Variants in LCORL observed in about 807,000 individuals in gnomAD.
LCORL encodes ligand dependent nuclear receptor corepressor like.
LCORL carries 41 observed loss-of-function variants against 141.8 expected under a neutral mutation model. The ratio of observed to expected loss-of-function variants is 0.29; its 90% confidence interval spans 0.23 to 0.38. The LOEUF is 0.38. Among genes scored for constraint, LCORL ranks in the 10% least tolerant of loss-of-function variants. The pLI is 1.00. For missense variants in LCORL, 1,759 were observed against 2,035.0 expected (o/e 0.86, Z 2.61); for synonymous variants, 618 against 694.1 (o/e 0.89, Z 1.72).
intron 1 of LCORL, among the ~76,000 whole-genome samples, chr4:17,982,099 CGTGTGTGTGTGTGTGTGTGT>C (rs57094203): frequency 3.1e-4 from 43 of 136,582 alleles, no homozygotes; most frequent in African/African-American, 6.7e-4. Flanking sequence ...AGTATTCCAT[CGTGTGTGTGTGTGTGTGTGT>C]GTGTGTGTGT....
In LCORL at chr4:18,021,806, AG is replaced by A. The variant is rs1725667005; in HGVS notation, c.-56del. ...CATACGAGCAGCGCAGGCACGAGGC[AG>A]GGGCGCGAGCCCTCGGCGCGAGCCC... On this transcript the variant is annotated 5_prime_UTR_variant, in exon 1 of 8. Transcript: ENST00000635767. This position sits in a 1 kb window ranked among gnomAD's most constrained non-coding sequence, Gnocchi z 5.5. The A allele has an allele frequency of 7.1e-7, 1 of 1,415,178 alleles. No homozygotes were observed. Among genetic ancestry groups the A allele is most frequent in the Non-Finnish European group, 9.1e-7 (1 of 1,092,962 alleles). 87.7% of individuals were successfully genotyped at this position (1,415,178 alleles called of 1,614,324 possible).
intron 7 of LCORL, among the ~76,000 whole-genome samples, chr4:17,857,720 A>C (rs1724527677): frequency 6.6e-6 from 1 of 152,226 alleles, no homozygotes; most frequent in Non-Finnish European, 1.5e-5. Context: ...GCACCTTCTA[A>C]ATGTAAGAGC....
At chr4:17,843,561 T>C (rs1685212985) in exon 8 of LCORL, 4 of 935,768 alleles carry the variant, frequency 4.3e-6, no homozygotes, top group Non-Finnish European at 6.4e-6. Context: ...CCACGTTACT[T>C]TGGCCTGTAT....
intron 4 of LCORL, among the ~76,000 whole-genome samples, chr4:17,917,192 T>C (rs1027609812): frequency 3.3e-5 from 5 of 151,664 alleles, no homozygotes; most frequent in Non-Finnish European, 7.4e-5. Context: ...AGGCTGAGTT[T>C]TTTTTGTTTT....
chr4:17,877,339 C>T, exon 7 of LCORL: 1 of 1,230,220 alleles, frequency 8.1e-7, no homozygotes, highest in Non-Finnish European at 1.0e-6. Flanking sequence ...GATAATTTTA[C>T]AAGGCTTGTC....
intron 6 of LCORL, among the ~76,000 whole-genome samples, chr4:17,885,108 C>T (rs533301506): frequency 1.3e-5 from 2 of 151,858 alleles, no homozygotes; most frequent in African/African-American, 4.8e-5. Flanking sequence ...ATAAAAAGTA[C>T]CCAAATCCTA....
At chr4:17,850,014 A>T (rs1723441905) in intron 7 of LCORL, among the ~76,000 whole-genome samples, 1 of 151,410 alleles carries the variant, frequency 6.6e-6, no homozygotes, top group African/African-American at 2.4e-5. Flanking sequence ...AAACCTGAGA[A>T]AAACAAGCAA....
chr4:17,994,444 C>A (rs1577674496), intron 1 of LCORL, among the ~76,000 whole-genome samples: 1 of 152,138 alleles, frequency 6.6e-6, no homozygotes. Flanking sequence ...CCCCCATTTC[C>A]ATTCCCAAAA....
At chr4:17,875,265 G>A in exon 7 of LCORL, 1 of 1,231,412 alleles carries the variant, frequency 8.1e-7, no homozygotes, top group East Asian at 3.2e-5. Context: ...CCTACTTATT[G>A]CCAAAGGCTT....
At chr4:17,982,751 T>C (rs937987329) in intron 1 of LCORL, among the ~76,000 whole-genome samples, 2 of 152,234 alleles carry the variant, frequency 1.3e-5, no homozygotes, top group African/African-American at 2.4e-5. Context: ...TTTCTTTTGC[T>C]GTGCAGAAGC....
chr4:17,848,616 G>C (rs1007260635), intron 7 of LCORL, among the ~76,000 whole-genome samples: 8 of 152,262 alleles, frequency 5.3e-5, no homozygotes, highest in African/African-American at 1.9e-4. Context: ...GAAGACGAGT[G>C]ATTTCTGCAT....
At chr4:17,855,820 C>G (rs755695861) in intron 7 of LCORL, among the ~76,000 whole-genome samples, 6 of 152,142 alleles carry the variant, frequency 3.9e-5, no homozygotes, top group Non-Finnish European at 8.8e-5. Flanking sequence ...ACCACAGACT[C>G]ATGAATGAAA....
intron 2 of LCORL, among the ~76,000 whole-genome samples, chr4:17,967,222 T>TA (rs1715067117): frequency 6.6e-6 from 1 of 152,056 alleles, no homozygotes; most frequent in Non-Finnish European, 1.5e-5. Flanking sequence ...TTAGAGACCA[T>TA]AAAAAAATTA....
intron 7 of LCORL, among the ~76,000 whole-genome samples, chr4:17,859,454 A>C (rs1379720529): frequency 6.6e-6 from 1 of 152,212 alleles, no homozygotes; most frequent in Non-Finnish European, 1.5e-5. Context: ...ACTTTTATAG[A>C]CATACAAAGG....
At chr4:17,963,827 A>T (rs932081809) in intron 2 of LCORL, among the ~76,000 whole-genome samples, 2 of 152,012 alleles carry the variant, frequency 1.3e-5, no homozygotes, top group Non-Finnish European at 2.9e-5. Context: ...CCCAATTTCT[A>T]TTCCCAAATA....
At chr4:17,989,095 A>G (rs1026197406) in intron 1 of LCORL, among the ~76,000 whole-genome samples, 1 of 152,242 alleles carries the variant, frequency 6.6e-6, no homozygotes, top group Non-Finnish European at 1.5e-5. Flanking sequence ...CTTTAATAGT[A>G]TATCTATAGA....
intron 4 of LCORL, among the ~76,000 whole-genome samples, chr4:17,960,773 CTG>C (rs1560407963): frequency 6.6e-6 from 1 of 152,028 alleles, no homozygotes; most frequent in African/African-American, 2.4e-5. Flanking sequence ...ATTTTTAACA[CTG>C]TACTAAAAAT....
At chr4:17,875,860 C>T (rs1190843005) in exon 7 of LCORL, 1 of 1,231,136 alleles carries the variant, frequency 8.1e-7, no homozygotes, top group African/African-American at 1.6e-5. Context: ...GTAGAGGATC[C>T]TGCAGTTTCT....
At chr4:17,954,060 G>A (rs924234658) in intron 4 of LCORL, among the ~76,000 whole-genome samples, 1 of 152,178 alleles carries the variant, frequency 6.6e-6, no homozygotes, top group Admixed American at 6.5e-5. Context: ...CTACAGGGGA[G>A]GCTGAGGCAG....
Sources: gnomAD v4.1 joint callset for allele counts (sites outside exome capture counted in the v4.1 genomes callset) on GRCh38, gnomAD v4.1.1 for gene constraint, Gnocchi (gnomAD v3.1) non-coding constraint, MANE v1.5 for transcripts, NCBI Gene and HGNC (gene_info 2026-07-23, HGNC 2026-07-21) for gene names.